The following OR4S2 variants were observed in gnomAD, a reference collection of about 807,000 sequenced individuals.
The protein encoded by OR4S2 is olfactory receptor 4S2.
OR4S2 carries 16 observed loss-of-function variants against 15.1 expected under a neutral mutation model. The ratio of observed to expected loss-of-function variants is 1.06; its 90% confidence interval spans 0.72 to 1.61. The LOEUF is 1.61. OR4S2 is among the 40% of genes most tolerant of loss of function. The pLI is 0.00. For synonymous variants in OR4S2, 133 were observed against 136.3 expected (o/e 0.98, Z 0.17); for missense variants, 362 against 379.6 (o/e 0.95, Z 0.38).
In OR4S2 at chr11:55,651,318, T is replaced by G; in HGVS notation, c.415T>G (p.Cys139Gly). The G allele has an allele frequency of 6.7e-7, 1 of 1,488,636 alleles. No homozygotes were observed. The allele number at this position is 1,488,636 out of a possible 1,614,324, so 92.2% of individuals were successfully genotyped here. A position where few individuals can be genotyped will look rare whatever the true frequency, so the allele number is the denominator to read the frequency against. Residue 139 changes from cysteine (C) to glycine (G), a missense_variant, in exon 2 of 2, where the codon TGC becomes GGC. Transcript: ENST00000641692. ...HYMTIMNRET[C>G]NKMLLGTWVG... ...TATGACCATCATGAACCGGGAGACA[T>G]GCAATAAAATGTTATTAGGGACGTG...
Position 55,651,336 on chromosome 11 carries a change from G to T in OR4S2, c.433G>T (p.Gly145Trp). Reference protein sequence around the residue: ...NRETCNKMLLGTWVGGFLHSI... With the variant: ...NRETCNKMLLWTWVGGFLHSI... ...GGAGACATGCAATAAAATGTTATTA[G>T]GGACGTGGGTAGGTGGGTTCTTACA... The change falls in exon 2 of 2, where the codon GGG (glycine) becomes TGG (tryptophan). Residue 145 changes from glycine to tryptophan, a missense_variant. By Grantham distance (184) the Gly-to-Trp change is radical. Coordinates refer to ENST00000641692, the MANE Select transcript of OR4S2 (RefSeq NM_001004059.3). The T allele has an allele frequency of 6.7e-7, 1 of 1,485,854 alleles. No homozygotes were observed. The allele number at this position is 1,485,854 out of a possible 1,614,324, so 92.0% of individuals were successfully genotyped here.
chr11:55,650,430 T>C lies in OR4S2; in HGVS notation c.-36-438T>C, dbSNP rs1449282023. ...GCATGGCAGTATTCAAAAGGTGAAA[T>C]GTGGGCGTATGTTTTCACTTATGGG... On this transcript the variant is annotated intron_variant, in intron 1 of 1. Transcript: ENST00000641692. 2.9e-5 allele frequency among the ~76,000 whole-genome samples: 4 copies of C among 138,728 alleles called. 1 individual carries two copies. The highest frequency in any genetic ancestry group is 5.0e-5 in the African/African-American group (2 of 39,888). 91.0% of individuals were successfully genotyped at this position (138,728 alleles called of 152,430 possible).
In OR4S2 at chr11:55,651,439, T is replaced by A; in HGVS notation, c.536T>A (p.Val179Asp). 2.0e-6 allele frequency: 3 copies of A among 1,491,588 alleles called. 1 individual carries two copies. Among genetic ancestry groups the A allele is most frequent in the Non-Finnish European group, 2.7e-6 (3 of 1,095,982 alleles). 92.4% of individuals were successfully genotyped at this position (1,491,588 alleles called of 1,614,324 possible). Residue 179 changes from valine to aspartate, a missense_variant, in exon 2 of 2, where the codon GTT becomes GAT. Physicochemically the swap from Val to Asp is radical, Grantham distance 152. Transcript: ENST00000641692. ...GAGATAGATCACTACTTTTGTGATG[T>A]TCACCCTGTGTTGAAACTTGCCTGC... The part of the protein sequence containing the change: ...PNEIDHYFCD[V>D]HPVLKLACTE...
chr11:55,648,572 A>C (rs1456655199), intron 1 of OR4S2, 22 bp downstream of exon 1: 1 of 138,004 alleles, frequency 7.2e-6, no homozygotes, highest in Admixed American at 7.9e-5. Context: ...TTTTCTTTTC[A>C]AACGAATACA....
chr11:55,652,237 T>A lies in OR4S2; in HGVS notation c.*398T>A, dbSNP rs1858579015. 6.9e-6 allele frequency: 1 copy of A among 144,896 alleles called. No homozygotes were observed. The highest frequency in any genetic ancestry group is 2.0e-4 in the South Asian group (1 of 5,038). The allele number at this position is 144,896 out of a possible 1,614,324, so 9.0% of individuals were successfully genotyped here. A position where few individuals can be genotyped will look rare whatever the true frequency, so the allele number is the denominator to read the frequency against. ...AAAAAATTTAGAATTTCCAAAAGTG[T>A]GGGAAGTGTTTTCATATTTTTGGGC... is the stretch of plus-strand genomic sequence containing the variant. On this transcript the variant is annotated 3_prime_UTR_variant, in exon 2 of 2. Transcript: ENST00000641692.
chr11:55,651,053 C>T lies in OR4S2; in HGVS notation c.150C>T (p.Ser50=). Residue 50 remains serine (S), a synonymous_variant, in exon 2 of 2, where the codon AGC becomes AGT. Coordinates refer to ENST00000641692, the MANE Select transcript of OR4S2 (RefSeq NM_001004059.3). ...NLLIMLTVCL[S]NLFKSPMYFF... ...TCATCATGCTGACAGTTTGCCTGAG[C>T]AACCTGTTTAAGTCACCCATGTATT... 1.3e-6 allele frequency: 2 copies of T among 1,482,372 alleles called. 1 individual carries two copies. Among genetic ancestry groups the T allele is most frequent in the South Asian group, 2.4e-5 (2 of 84,720 alleles). 91.8% of individuals were successfully genotyped at this position (1,482,372 alleles called of 1,614,324 possible). A position where few individuals can be genotyped will look rare whatever the true frequency, so the allele number is the denominator to read the frequency against.
rs1858569075 is a variant in OR4S2, at chr11:55,651,564, G to A, written c.661G>A (p.Val221Ile). 2.0e-6 allele frequency: 3 copies of A among 1,492,688 alleles called. No homozygotes were observed. The highest frequency in any genetic ancestry group is 2.7e-6 in the Non-Finnish European group (3 of 1,097,446). 92.5% of individuals were successfully genotyped at this position (1,492,688 alleles called of 1,614,324 possible). ...ILLISYSIIL[V>I]SLRKQSAEGR... ...GCTAATCTCCTACAGCATCATCCTAGTTTCCCTGAGAAAGCAGTCAGCAGA... is the reference window on the plus strand; with the variant it reads ...GCTAATCTCCTACAGCATCATCCTAATTTCCCTGAGAAAGCAGTCAGCAGA... Residue 221 changes from valine (V) to isoleucine (I), a missense_variant, in exon 2 of 2, where the codon GTT (valine) becomes ATT (isoleucine). Val to Ile is a conservative substitution (Grantham distance 29). Coordinates refer to ENST00000641692, the MANE Select transcript of OR4S2 (RefSeq NM_001004059.3).
rs767245250 is a variant in OR4S2 at position 55,651,007 on chromosome 11, T to A, written c.104T>A (p.Ile35Asn). ...GTGGTGTTTTCTTTCTTCTACATAATCATTCTTCTGGGAAATCTCCTCATC... is the reference window on the plus strand; with the variant it reads ...GTGGTGTTTTCTTTCTTCTACATAAACATTCTTCTGGGAAATCTCCTCATC... Reference protein sequence around the residue: ...CFVVFSFFYIIILLGNLLIML... With the variant: ...CFVVFSFFYINILLGNLLIML... Residue 35 changes from isoleucine to asparagine, a missense_variant, in exon 2 of 2, where the codon ATC (isoleucine) becomes AAC (asparagine). Transcript: ENST00000641692. 2.7e-6 allele frequency: 4 copies of A among 1,461,394 alleles called. 1 individual carries two copies. Among genetic ancestry groups the A allele is most frequent in the Non-Finnish European group, 3.7e-6 (4 of 1,068,672 alleles). 90.5% of individuals were successfully genotyped at this position (1,461,394 alleles called of 1,614,324 possible).
chr11:55,651,748 CTCT>C lies in OR4S2; in HGVS notation c.846_848del (p.Leu283del), dbSNP rs1196676219. 6.9e-7 allele frequency: 1 copy of C among 1,454,366 alleles called. No individual in the cohort carries two copies. Among genetic ancestry groups the C allele is most frequent in the South Asian group, 1.2e-5 (1 of 84,108 alleles). The allele number at this position is 1,454,366 out of a possible 1,614,324, so 90.1% of individuals were successfully genotyped here. A position where few individuals can be genotyped will look rare whatever the true frequency, so the allele number is the denominator to read the frequency against. The stretch of plus-strand genomic sequence containing the variant: ...ACCATTATCACTCCCATGTTAAATC[CTCT>C]GATTTATACACTGAGAAATGCAGAA... On this transcript the variant is annotated inframe_deletion, in exon 2 of 2. Coordinates refer to ENST00000641692, the MANE Select transcript of OR4S2 (RefSeq NM_001004059.3).
At chr11:55,650,393 T>C (rs1297714607) in intron 1 of OR4S2, among the ~76,000 whole-genome samples, 1 of 138,680 alleles carries the variant, frequency 7.2e-6, no homozygotes, top group African/African-American at 2.5e-5. Context: ...TGTGAGTTGA[T>C]GTGATAATCA....
rs368505151 is a variant in OR4S2 at position 55,650,437 on chromosome 11, G to A, written c.-36-431G>A. 2.4e-4 allele frequency among the ~76,000 whole-genome samples: 34 copies of A among 138,932 alleles called. 4 individuals are homozygous for A. The highest frequency in any genetic ancestry group is 7.0e-4 in the African/African-American group (28 of 40,088). The allele number at this position is 138,932 out of a possible 152,430, so 91.1% of individuals were successfully genotyped here. On this transcript the variant is annotated intron_variant, in intron 1 of 1. Coordinates refer to ENST00000641692, the MANE Select transcript of OR4S2 (RefSeq NM_001004059.3). ...AGTATTCAAAAGGTGAAATGTGGGC[G>A]TATGTTTTCACTTATGGGTCAAAAA...
At position 55,651,758 on chromosome 11, in the gene OR4S2, T is replaced by C. The variant is rs1858572722; in HGVS notation, c.855T>C (p.Tyr285=). ...CTCCCATGTTAAATCCTCTGATTTA[T>C]ACACTGAGAAATGCAGAAGTAAAGA... is the stretch of plus-strand genomic sequence containing the variant. The part of the protein sequence containing the change: ...IITPMLNPLI[Y]TLRNAEVKNA... Residue 285 remains tyrosine (Y), a synonymous_variant, in exon 2 of 2, where the codon TAT becomes TAC. Coordinates refer to ENST00000641692, the MANE Select transcript of OR4S2 (RefSeq NM_001004059.3). 2 of 1,459,028 alleles carry C rather than the reference T, an allele frequency of 1.4e-6. No homozygotes were observed. Among genetic ancestry groups the C allele is most frequent in the East Asian group, 2.6e-5 (1 of 38,608 alleles). 90.4% of individuals were successfully genotyped at this position (1,459,028 alleles called of 1,614,324 possible).
In OR4S2 at chr11:55,651,283, C is replaced by T. The variant is rs768945128; in HGVS notation, c.380C>T (p.Pro127Leu). 9.4e-6 allele frequency: 14 copies of T among 1,483,966 alleles called. 4 individuals are homozygous for T. The Admixed American group carries it at 2.8e-4, about 30-fold the overall frequency. 91.9% of individuals were successfully genotyped at this position (1,483,966 alleles called of 1,614,324 possible). ...GATCGTTATGTGGCTATCTGTAAACCCCTACATTATATGACCATCATGAAC... is the reference window on the plus strand; with the variant it reads ...GATCGTTATGTGGCTATCTGTAAACTCCTACATTATATGACCATCATGAAC... ...AYDRYVAICK[P>L]LHYMTIMNRE... The change falls in exon 2 of 2, where the codon CCC becomes CTC. Residue 127 changes from proline to leucine, a missense_variant. Transcript: ENST00000641692.
chr11:55,651,120 T>C lies in OR4S2; in HGVS notation c.217T>C (p.Ser73Pro). Reference sequence around the variant, plus strand: ...GTCTTTTGTGGACATTTGTTACTCTTCAGTCACAGCTCCCAAGATGATTGT... The same window carrying C: ...GTCTTTTGTGGACATTTGTTACTCTCCAGTCACAGCTCCCAAGATGATTGT... ...FLSFVDICYS[S>P]VTAPKMIVDL... The change falls in exon 2 of 2, where the codon TCA becomes CCA. Residue 73 changes from serine to proline, a missense_variant. Coordinates refer to ENST00000641692, the MANE Select transcript of OR4S2 (RefSeq NM_001004059.3). The C allele has an allele frequency of 6.8e-7, 1 of 1,472,870 alleles. No individual in the cohort carries two copies. The highest frequency in any genetic ancestry group is 9.3e-7 in the Non-Finnish European group (1 of 1,078,834). The allele number at this position is 1,472,870 out of a possible 1,614,324, so 91.2% of individuals were successfully genotyped here. A position where few individuals can be genotyped will look rare whatever the true frequency, so the allele number is the denominator to read the frequency against.
In OR4S2 at chr11:55,652,044, A is replaced by G. The variant is rs2120203257; in HGVS notation, c.*205A>G. ...TAGATAACTTCCTGAAATATCTATG[A>G]CACAGAAATATTATTAAACTTAGAA... On this transcript the variant is annotated 3_prime_UTR_variant, in exon 2 of 2. Transcript: ENST00000641692. 9.8e-6 allele frequency: 3 copies of G among 306,756 alleles called. 1 individual carries two copies. The East Asian group carries it at 1.9e-4, about 19-fold the overall frequency. The allele number at this position is 306,756 out of a possible 1,614,324, so 19.0% of individuals were successfully genotyped here.
At position 55,650,781 on chromosome 11, in the gene OR4S2, T is replaced by C; in HGVS notation, c.-36-87T>C. 3 of 545,788 alleles carry C rather than the reference T, an allele frequency of 5.5e-6. 1 individual carries two copies. The highest frequency in any genetic ancestry group is 6.4e-6 in the Non-Finnish European group (2 of 314,520). The allele number at this position is 545,788 out of a possible 1,614,324, so 33.8% of individuals were successfully genotyped here. A position where few individuals can be genotyped will look rare whatever the true frequency, so the allele number is the denominator to read the frequency against. ...AAGTATGCATGCCAATCAGCATTTTTTCCTCTTTTGATCTACTGTGATTTT... is the reference window on the plus strand; with the variant it reads ...AAGTATGCATGCCAATCAGCATTTTCTCCTCTTTTGATCTACTGTGATTTT... On this transcript the variant is annotated intron_variant, in intron 1 of 1. Coordinates refer to ENST00000641692, the MANE Select transcript of OR4S2 (RefSeq NM_001004059.3).
In OR4S2 at chr11:55,650,974, T is replaced by C; in HGVS notation, c.71T>C (p.Val24Ala). Residue 24 changes from valine to alanine, a missense_variant, in exon 2 of 2, where the codon GTT (valine) becomes GCT (alanine). Coordinates refer to ENST00000641692, the MANE Select transcript of OR4S2 (RefSeq NM_001004059.3). Reference sequence around the variant, plus strand: ...TCTCAGAGCCCAGAGATTGAGAAAGTTTGTTTTGTGGTGTTTTCTTTCTTC... The same window carrying C: ...TCTCAGAGCCCAGAGATTGAGAAAGCTTGTTTTGTGGTGTTTTCTTTCTTC... ...GLSQSPEIEK[V>A]CFVVFSFFYI... 6.8e-7 allele frequency: 1 copy of C among 1,465,236 alleles called. No individual in the cohort carries two copies. The highest frequency in any genetic ancestry group is 2.0e-5 in the Admixed American group (1 of 50,006). The allele number at this position is 1,465,236 out of a possible 1,614,324, so 90.8% of individuals were successfully genotyped here.
Position 55,651,885 on chromosome 11 carries a change from T to C in OR4S2, c.*46T>C, listed in dbSNP as rs765416157. Reference sequence around the variant, plus strand: ...TAGATGACCTTAAAATTTCTCAGCCTTGGTTAACTCATCTGTGCAATCAAG... The same window carrying C: ...TAGATGACCTTAAAATTTCTCAGCCCTGGTTAACTCATCTGTGCAATCAAG... On this transcript the variant is annotated 3_prime_UTR_variant, in exon 2 of 2. Transcript: ENST00000641692. 1 of 961,578 alleles carries C rather than the reference T, an allele frequency of 1.0e-6. No homozygotes were observed. The highest frequency in any genetic ancestry group is 2.8e-5 in the East Asian group (1 of 35,930). 59.6% of individuals were successfully genotyped at this position (961,578 alleles called of 1,614,324 possible).
In OR4S2 at chr11:55,651,903, C is replaced by A; in HGVS notation, c.*64C>A. ...CTCAGCCTTGGTTAACTCATCTGTG[C>A]AATCAAGACAATAACAACCTCATGG... On this transcript the variant is annotated 3_prime_UTR_variant, in exon 2 of 2. Coordinates refer to ENST00000641692, the MANE Select transcript of OR4S2 (RefSeq NM_001004059.3). The A allele has an allele frequency of 2.7e-6, 2 of 741,822 alleles. No homozygotes were observed. Among genetic ancestry groups the A allele is most frequent in the Non-Finnish European group, 4.3e-6 (2 of 461,952 alleles). 46.0% of individuals were successfully genotyped at this position (741,822 alleles called of 1,614,324 possible).
Sources: allele counts gnomAD v4.1 joint callset (sites outside exome capture counted in the v4.1 genomes callset), GRCh38; gene constraint gnomAD v4.1.1; transcripts MANE v1.5; gene names NCBI Gene and HGNC (gene_info 2026-07-23, HGNC 2026-07-21).